Variants in PCDHGA1 observed in about 807,000 individuals in gnomAD.
The protein encoded by PCDHGA1 is protocadherin gamma subfamily A, 1, also known as protocadherin gamma-A1.
A neutral mutation model predicts 58.0 loss-of-function variants in PCDHGA1; 32 were observed. The ratio of observed to expected loss-of-function variants is 0.55; its 90% CI spans 0.42 to 0.74. The LOEUF is 0.74. Ranked by LOEUF, PCDHGA1 falls within the 30% of genes least tolerant of loss-of-function variation. The pLI is 0.00. For missense variants in PCDHGA1, 1,205 were observed against 1,182.3 expected (o/e 1.02, Z -0.28); for synonymous variants, 498 against 501.1 (o/e 0.99, Z 0.08).
intron 1 of PCDHGA1, chr5:141,357,149 G>T (rs1760487529): frequency 1.2e-6 from 2 of 1,613,452 alleles, no homozygotes; most frequent in African/African-American, 2.7e-5. Context: ...CAGGACCATG[G>T]CCAGCCCCCT....
intron 1 of PCDHGA1, chr5:141,351,765 C>A (rs751457983): frequency 1.9e-5 from 31 of 1,613,438 alleles, no homozygotes; most frequent in Non-Finnish European, 2.4e-5. Context: ...TCCTACGTGT[C>A]CGTGAGCCCG....
rs2094321391 is a variant in PCDHGA1, at chr5:141,402,912, G to GCTTCATCA, written c.2421+69808_2421+69809insTTCATCAC. ...AAGAAAGAACCTGATGAAGCAGCGCGCACAGAGATCCTTTTGAGAAAATTC... is the reference window on the plus strand; with the variant it reads ...AAGAAAGAACCTGATGAAGCAGCGCGCTTCATCACACAGAGATCCTTTTGAGAAAATTC... On this transcript the variant is annotated intron_variant, in intron 1 of 3. Coordinates refer to ENST00000517417, the MANE Select transcript of PCDHGA1 (RefSeq NM_018912.3). 6 of 1,553,880 alleles carry GCTTCATCA rather than the reference G, an allele frequency of 3.9e-6. No individual in the cohort carries two copies. In the African/African-American group the frequency reaches 8.2e-5, roughly 21 times the overall value.
intron 1 of PCDHGA1, among the ~76,000 whole-genome samples, chr5:141,494,070 C>T (rs933213518): frequency 3.9e-5 from 6 of 152,174 alleles, no homozygotes; most frequent in African/African-American, 1.4e-4. Context: ...AGCTGGATCC[C>T]TCCCCGCTGC....
chr5:141,474,563 A>G lies in PCDHGA1; in HGVS notation c.2422-20244A>G, dbSNP rs143794984. 1.4e-3 allele frequency among the ~76,000 whole-genome samples: 210 copies of G among 152,332 alleles called. 2 individuals are homozygous for G. The highest frequency in any genetic ancestry group is 5.0e-3 in the African/African-American group (207 of 41,572). ...TGAGCATTTAAAACTGGGGGTTTTC[A>G]GAGATTAATTGAAGTGTTAAAGACA... On this transcript the variant is annotated intron_variant, in intron 1 of 3. Coordinates refer to ENST00000517417, the MANE Select transcript of PCDHGA1 (RefSeq NM_018912.3).
In PCDHGA1 at chr5:141,384,438, C is replaced by G. The variant is rs758290868; in HGVS notation, c.2421+51333C>G. The G allele has an allele frequency of 4.6e-5, 74 of 1,613,902 alleles. No homozygotes were observed. In the South Asian group the frequency reaches 7.5e-4, roughly 16 times the overall value. Reference sequence around the variant, plus strand: ...TCTCCATAAACTCTGACACTGGAGTCCTGTACGCGCTGCAATCCTTTGATT... The same window carrying G: ...TCTCCATAAACTCTGACACTGGAGTGCTGTACGCGCTGCAATCCTTTGATT... On this transcript the variant is annotated intron_variant, in intron 1 of 3. Coordinates refer to ENST00000517417, the MANE Select transcript of PCDHGA1 (RefSeq NM_018912.3).
chr5:141,473,887 C>T (rs887871337), intron 1 of PCDHGA1, among the ~76,000 whole-genome samples: 3 of 152,144 alleles, frequency 2.0e-5, no homozygotes, highest in Non-Finnish European at 2.9e-5. Context: ...CACAAGGGTT[C>T]TGTTGGTTCA....
chr5:141,465,800 C>G (rs1486100601), intron 1 of PCDHGA1, among the ~76,000 whole-genome samples: 2 of 151,524 alleles, frequency 1.3e-5, no homozygotes, highest in East Asian at 3.9e-4. Flanking sequence ...TTTAAGAAAC[C>G]CTTCAGGATC....
intron 1 of PCDHGA1, among the ~76,000 whole-genome samples, chr5:141,494,177 TG>T (rs2099752471): frequency 6.6e-6 from 1 of 152,176 alleles, no homozygotes; most frequent in Non-Finnish European, 1.5e-5. Flanking sequence ...GGGTGAGAAG[TG>T]TCCCGGGACT....
intron 1 of PCDHGA1, chr5:141,365,282 G>A: frequency 6.2e-7 from 1 of 1,613,998 alleles, no homozygotes; most frequent in South Asian, 1.1e-5. Context: ...CTACCTCATG[G>A]AAGTGGTAGC....
intron 1 of PCDHGA1, chr5:141,428,330 T>C: frequency 1.6e-6 from 1 of 628,558 alleles, no homozygotes; most frequent in Non-Finnish European, 2.9e-6. Flanking sequence ...TTGATTTCTA[T>C]GCTCTTCTTC....
intron 1 of PCDHGA1, chr5:141,393,374 T>G (rs11575958): frequency 0.026 from 42,476 of 1,613,728 alleles, 744 homozygotes; most frequent in East Asian, 0.04. Flanking sequence ...CTGGAGACAA[T>G]GGAGCCATAA....
At chr5:141,374,003 C>T (rs1160076904) in intron 1 of PCDHGA1, 2 of 1,320,324 alleles carry the variant, frequency 1.5e-6, no homozygotes, top group African/African-American at 3.0e-5. Flanking sequence ...GGACCTTCAC[C>T]GCTATTTCTG....
At chr5:141,408,220 G>C (rs2095061412) in intron 1 of PCDHGA1, 1 of 1,558,876 alleles carries the variant, frequency 6.4e-7, no homozygotes, top group Non-Finnish European at 8.7e-7. Flanking sequence ...GGAGCTGCGC[G>C]CAGAGGCGCC....
chr5:141,436,393 A>G (rs560164691), intron 1 of PCDHGA1, among the ~76,000 whole-genome samples: 2 of 152,342 alleles, frequency 1.3e-5, no homozygotes, highest in South Asian at 4.1e-4. Context: ...GCTTTATTAA[A>G]TAGTTGTTGA....
In PCDHGA1 at chr5:141,487,680, A is replaced by G; in HGVS notation, c.2422-7127A>G. On this transcript the variant is annotated intron_variant, in intron 1 of 3. Coordinates refer to ENST00000517417, the MANE Select transcript of PCDHGA1 (RefSeq NM_018912.3). This position sits in a 1 kb window ranked among gnomAD's most constrained non-coding sequence, Gnocchi z 5.0. ...TCTGATCCAGGCATATGGCTAGGCC[A>G]TGTCCTAGAGAGTACTGGCCTCTCA... 6.2e-7 allele frequency: 1 copy of G among 1,609,370 alleles called. No individual in the cohort carries two copies. The highest frequency in any genetic ancestry group is 2.2e-5 in the East Asian group (1 of 44,826).
chr5:141,345,426 A>G, intron 1 of PCDHGA1: 1 of 1,614,002 alleles, frequency 6.2e-7, no homozygotes, highest in Non-Finnish European at 8.5e-7. Context: ...TCCAGAAAAC[A>G]ACCCCAGAGG....
chr5:141,478,839 T>G, intron 1 of PCDHGA1: 6 of 1,423,322 alleles, frequency 4.2e-6, no homozygotes, highest in Non-Finnish European at 5.5e-6. Flanking sequence ...AAGGGATGGT[T>G]AAGCTAAAAC....
At chr5:141,447,027 T>TG (rs563674341) in intron 1 of PCDHGA1, among the ~76,000 whole-genome samples, 103 of 152,252 alleles carry the variant, frequency 6.8e-4, no homozygotes, top group South Asian at 2.3e-3. Flanking sequence ...TGTTTTGTTT[T>TG]TTTTCTGTGT....
intron 1 of PCDHGA1, chr5:141,394,095 G>A: frequency 6.2e-7 from 1 of 1,613,848 alleles, no homozygotes; most frequent in Non-Finnish European, 8.5e-7. Context: ...CTCAGATCTA[G>A]GAACACCACC....
Sources: allele counts gnomAD v4.1 joint callset (sites outside exome capture counted in the v4.1 genomes callset), GRCh38; gene constraint gnomAD v4.1.1; non-coding constraint Gnocchi (gnomAD v3.1); transcripts MANE v1.5; gene names NCBI Gene and HGNC (gene_info 2026-07-23, HGNC 2026-07-21).